ESCO1: variants seen among roughly 807,000 people sequenced by gnomAD.
The protein encoded by ESCO1 is establishment of sister chromatid cohesion N-acetyltransferase 1.
A neutral mutation model predicts 83.5 loss-of-function variants in ESCO1; 33 were observed. The observed-to-expected ratio is 0.40, with a 90% CI of 0.30 to 0.53. The LOEUF is 0.53. ESCO1 is among the 20% of genes least tolerant of loss of function. The pLI, the probability that ESCO1 is intolerant of heterozygous loss-of-function variation, is 0.63. For missense variants in ESCO1, 855 were observed against 968.0 expected, an observed-to-expected ratio of 0.88 and a Z score of 1.55; for synonymous variants, 332 against 324.3, an observed-to-expected ratio of 1.02 and a Z score of -0.25.
intron 8 of ESCO1, among the ~76,000 whole-genome samples, chr18:21,559,439 G>A (rs1289260985): frequency 6.6e-6 from 1 of 152,144 alleles, no homozygotes; most frequent in African/African-American, 2.4e-5. Flanking sequence ...GAAGAGTAGA[G>A]CAGATATTTC....
At chr18:21,584,007 A>C (rs1158329828) in intron 2 of ESCO1, among the ~76,000 whole-genome samples, 1 of 152,206 alleles carries the variant, frequency 6.6e-6, no homozygotes. Flanking sequence ...GAGAAAAAGG[A>C]GATGGTGGAA....
chr18:21,550,427 G>C (rs1156426515), intron 8 of ESCO1, among the ~76,000 whole-genome samples: 2 of 152,080 alleles, frequency 1.3e-5, no homozygotes, highest in Non-Finnish European at 2.9e-5. Flanking sequence ...AAAGTCAAAT[G>C]GGAAGAATTA....
At position 21,530,326 on chromosome 18, in the gene ESCO1, G is replaced by A. The variant is rs2037750848; in HGVS notation, c.*17C>T. ...TCTTCAATAGATGTCTTCTAGTGGT[G>A]TAGGCAAGAATTTGTTTTACGTGCT... On this transcript the variant is annotated 3_prime_UTR_variant, in exon 12 of 12. Coordinates refer to ENST00000269214, the MANE Select transcript of ESCO1 (RefSeq NM_052911.3). 1.3e-6 allele frequency: 2 copies of A among 1,562,720 alleles called. No homozygotes were observed. Among genetic ancestry groups the A allele is most frequent in the Admixed American group, 1.9e-5 (1 of 51,986 alleles).
At chr18:21,546,172 T>C (rs1024306308) in intron 8 of ESCO1, among the ~76,000 whole-genome samples, 1 of 152,134 alleles carries the variant, frequency 6.6e-6, no homozygotes, top group African/African-American at 2.4e-5. Flanking sequence ...AAAATTCGAA[T>C]GCAAACTCTG....
Position 21,547,622 on chromosome 18 carries a change from T to C in ESCO1, c.1954-7613A>G, listed in dbSNP as rs2037991019. Among the ~76,000 whole-genome samples, 5 of 152,242 alleles carry C rather than the reference T, an allele frequency of 3.3e-5. No individual in the cohort carries two copies. The South Asian group carries it at 1.0e-3, about 32-fold the overall frequency. ...TTTATTATACTTCAATGTTTCTGAA[T>C]CCAAAATCAGTCTACCAATATGTAT... is the stretch of plus-strand genomic sequence containing the variant. On this transcript the variant is annotated intron_variant, in intron 8 of 11. Transcript: ENST00000269214.
intron 1 of ESCO1, among the ~76,000 whole-genome samples, chr18:21,594,086 C>A (rs1185740917): frequency 1.3e-5 from 2 of 152,220 alleles, no homozygotes; most frequent in South Asian, 4.1e-4. Flanking sequence ...ATGCCAGTAG[C>A]AACCCTTCCC....
chr18:21,595,385 AAG>A (rs200354102), intron 1 of ESCO1, among the ~76,000 whole-genome samples: 21,154 of 133,064 alleles, frequency 0.16, 1,535 homozygotes, highest in East Asian at 0.31. Flanking sequence ...AAAAAAAAAA[AAG>A]GGGCCGGCGC....
intron 1 of ESCO1, among the ~76,000 whole-genome samples, chr18:21,595,982 TAAATA>T (rs2146240568): frequency 6.6e-6 from 1 of 151,150 alleles, no homozygotes; most frequent in African/African-American, 2.4e-5. Context: ...AATAAATAAA[TAAATA>T]AAATAAAAAT....
intron 1 of ESCO1, among the ~76,000 whole-genome samples, chr18:21,586,040 G>A (rs2038571258): frequency 6.6e-6 from 1 of 152,126 alleles, no homozygotes; most frequent in Non-Finnish European, 1.5e-5. Flanking sequence ...CTTGTATCAG[G>A]AACATTTCAT....
At chr18:21,567,175 G>C (rs1374849355) in intron 5 of ESCO1, among the ~76,000 whole-genome samples, 2 of 151,810 alleles carry the variant, frequency 1.3e-5, no homozygotes, top group Middle Eastern at 3.4e-3. Context: ...TGGTTTTTTG[G>C]TTTTTGAGAC....
intron 9 of ESCO1, among the ~76,000 whole-genome samples, chr18:21,539,584 G>A (rs2037877515): frequency 6.6e-6 from 1 of 152,286 alleles, no homozygotes. Flanking sequence ...AGGCGCAGTG[G>A]TTCAAGCCTG....
At chr18:21,557,079 C>T (rs571376516) in intron 8 of ESCO1, among the ~76,000 whole-genome samples, 49 of 152,100 alleles carry the variant, frequency 3.2e-4, no homozygotes, top group African/African-American at 1.2e-3. Flanking sequence ...ACTATACATG[C>T]CTAATATGTA....
chr18:21,545,827 G>A (rs909569281), intron 8 of ESCO1, among the ~76,000 whole-genome samples: 3 of 152,114 alleles, frequency 2.0e-5, no homozygotes, highest in African/African-American at 7.2e-5. Context: ...TACTCGGGGG[G>A]GCTGAGGCAG....
chr18:21,591,437 T>C (rs1207499571), intron 1 of ESCO1, among the ~76,000 whole-genome samples: 1 of 152,200 alleles, frequency 6.6e-6, no homozygotes, highest in Non-Finnish European at 1.5e-5. Context: ...AAGCAGGCTA[T>C]ATATATCACA....
At position 21,574,244 on chromosome 18, in the gene ESCO1, A is replaced by G; in HGVS notation, c.600T>C (p.Ser200=). The G allele has an allele frequency of 1.2e-6, 2 of 1,613,692 alleles. No individual in the cohort carries two copies. The highest frequency in any genetic ancestry group is 1.7e-6 in the Non-Finnish European group (2 of 1,179,974). ...ENLVINEVIN[S]PKGKKRKVEH... ...CTACCTTGCGTTTTTTCCCTTTGGG[A>G]GAATTTATTACTTCATTAATTACTA... The change falls in exon 4 of 12, where the codon TCT becomes TCC. Residue 200 remains serine (S), a synonymous_variant. Transcript: ENST00000269214.
intron 1 of ESCO1, among the ~76,000 whole-genome samples, chr18:21,596,072 C>T (rs2038762716): frequency 6.6e-6 from 1 of 151,646 alleles, no homozygotes; most frequent in Non-Finnish European, 1.5e-5. Flanking sequence ...TAAATTTAAT[C>T]CTCTCCAACG....
At chr18:21,545,100 TC>T (rs1479762165) in intron 8 of ESCO1, among the ~76,000 whole-genome samples, 1 of 152,194 alleles carries the variant, frequency 6.6e-6, no homozygotes, top group Non-Finnish European at 1.5e-5. Context: ...CTGTGTACTT[TC>T]TTTTTCTTTT....
chr18:21,563,689 C>A (rs888689953), intron 7 of ESCO1, among the ~76,000 whole-genome samples: 1 of 152,138 alleles, frequency 6.6e-6, no homozygotes. Flanking sequence ...GACAAAAAGG[C>A]TCTTTGGCAA....
intron 5 of ESCO1, among the ~76,000 whole-genome samples, chr18:21,566,678 T>C (rs1039393146): frequency 3.9e-5 from 6 of 152,096 alleles, no homozygotes; most frequent in African/African-American, 1.2e-4. Flanking sequence ...CTGGCCAACA[T>C]AGGGAAACCC....
Sources: allele counts gnomAD v4.1 joint callset (sites outside exome capture counted in the v4.1 genomes callset), GRCh38; gene constraint gnomAD v4.1.1; transcripts MANE v1.5; gene names NCBI Gene and HGNC (gene_info 2026-07-23, HGNC 2026-07-21).